The following RASGEF1C variants were observed in gnomAD, a reference collection of about 807,000 sequenced individuals.
RASGEF1C encodes RasGEF domain family member 1C, also known as ras-GEF domain-containing family member 1C.
A neutral mutation model predicts 58.1 loss-of-function variants in RASGEF1C; 27 were observed. The ratio of observed to expected loss-of-function variants is 0.46; its 90% CI spans 0.34 to 0.64. The LOEUF (loss-of-function observed/expected upper bound fraction) is 0.64. Among genes scored for constraint, RASGEF1C ranks in the 30% least tolerant of loss-of-function variants. The pLI, the probability that RASGEF1C is intolerant of heterozygous loss-of-function variation, is 0.01. For missense variants in RASGEF1C, 502 were observed against 605.1 expected, an observed-to-expected ratio of 0.83 and a Z score of 1.79; for synonymous variants, 243 against 246.3, an observed-to-expected ratio of 0.99 and a Z score of 0.13.
rs1443505362 is a variant in RASGEF1C, at chr5:180,177,277, GC to G, written c.-7+31750del. On this transcript the variant is annotated intron_variant, in intron 1 of 13. Transcript: ENST00000361132. The surrounding 1 kb of genome is among the most constrained non-coding windows in gnomAD (Gnocchi z 5.0). ...AGCCAGGGGCTGCTTTCCCTTTCCG[GC>G]CCCACCTCCCCACCCAGTGAAGGGG... 1.3e-5 allele frequency among the ~76,000 whole-genome samples: 2 copies of G among 152,124 alleles called. No individual in the cohort carries two copies. Among genetic ancestry groups the G allele is most frequent in the Non-Finnish European group, 2.9e-5 (2 of 68,030 alleles).
At chr5:180,173,805 A>C (rs562675417) in intron 1 of RASGEF1C, among the ~76,000 whole-genome samples, 13 of 151,756 alleles carry the variant, frequency 8.6e-5, no homozygotes, top group Admixed American at 2.6e-4. Flanking sequence ...CCCAGCTGCT[A>C]GGGAGGCTGA....
intron 1 of RASGEF1C, among the ~76,000 whole-genome samples, chr5:180,188,621 A>G (rs948881673): frequency 6.6e-6 from 1 of 152,246 alleles, no homozygotes; most frequent in African/African-American, 2.4e-5. Flanking sequence ...AAATTGGAAT[A>G]CTTTCTCCCT....
chr5:180,124,033 AAATT>A (rs1766216599), intron 6 of RASGEF1C, among the ~76,000 whole-genome samples: 2 of 152,176 alleles, frequency 1.3e-5, no homozygotes, highest in Non-Finnish European at 2.9e-5. Flanking sequence ...TAAAACCATT[AAATT>A]AATAACAAGA....
At chr5:180,186,302 C>T (rs934133705) in intron 1 of RASGEF1C, among the ~76,000 whole-genome samples, 4 of 152,010 alleles carry the variant, frequency 2.6e-5, no homozygotes. Context: ...CACAAAGAAA[C>T]TATTAGAGCT....
intron 7 of RASGEF1C, among the ~76,000 whole-genome samples, chr5:180,120,620 T>G (rs1318062115): frequency 6.6e-6 from 1 of 152,168 alleles, no homozygotes; most frequent in Non-Finnish European, 1.5e-5. Flanking sequence ...CTGCTGAGTG[T>G]TGGTGCTTTC....
intron 1 of RASGEF1C, among the ~76,000 whole-genome samples, chr5:180,176,683 A>T (rs763502009): frequency 2.6e-5 from 4 of 151,244 alleles, no homozygotes; most frequent in Admixed American, 6.6e-5. Context: ...CAGCCTCCCG[A>T]GTAGCTGGGA....
intron 1 of RASGEF1C, among the ~76,000 whole-genome samples, chr5:180,193,108 T>C (rs534535065): frequency 6.9e-6 from 1 of 145,952 alleles, no homozygotes; most frequent in East Asian, 2.1e-4. Context: ...CAGGCCAGAG[T>C]GCAGTGGCGC....
chr5:180,206,609 A>G (rs1188695789), intron 1 of RASGEF1C, among the ~76,000 whole-genome samples: 1 of 152,244 alleles, frequency 6.6e-6, no homozygotes, highest in East Asian at 1.9e-4. Context: ...CTTTGCAAAC[A>G]TTAACAATAT....
intron 1 of RASGEF1C, among the ~76,000 whole-genome samples, chr5:180,181,511 A>G (rs765545446): frequency 6.6e-6 from 1 of 152,178 alleles, no homozygotes; most frequent in Non-Finnish European, 1.5e-5. Context: ...TCCTAATCCA[A>G]CATGACTAAT....
intron 1 of RASGEF1C, among the ~76,000 whole-genome samples, chr5:180,171,746 G>A (rs747459490): frequency 1.2e-4 from 18 of 152,254 alleles, no homozygotes; most frequent in Non-Finnish European, 1.9e-4. Context: ...GGAGAACAGC[G>A]AATGCGTAGC....
intron 1 of RASGEF1C, among the ~76,000 whole-genome samples, chr5:180,176,107 A>G (rs1321584276): frequency 6.6e-6 from 1 of 152,262 alleles, no homozygotes; most frequent in Non-Finnish European, 1.5e-5. Flanking sequence ...GGCCACAAGG[A>G]GACAAGGACA....
intron 1 of RASGEF1C, among the ~76,000 whole-genome samples, chr5:180,139,031 A>G (rs141371524): frequency 1.0e-3 from 154 of 152,252 alleles, no homozygotes; most frequent in Non-Finnish European, 1.7e-3. Flanking sequence ...GCACAGGGAA[A>G]GGCCAGCTGC....
intron 1 of RASGEF1C, among the ~76,000 whole-genome samples, chr5:180,161,638 G>C (rs10063012): frequency 5.3e-5 from 8 of 152,186 alleles, no homozygotes; most frequent in South Asian, 4.1e-4. Context: ...GAGCCCGAGA[G>C]GGGGAGCAGG....
rs534201778 is a variant in RASGEF1C, at chr5:180,127,657, C to T, written c.666G>A (p.Glu222=). 1 of 1,613,270 alleles carries T rather than the reference C, an allele frequency of 6.2e-7. No individual in the cohort carries two copies. Among genetic ancestry groups the T allele is most frequent in the African/African-American group, 1.3e-5 (1 of 75,034 alleles). ...TGTTCACAAAGGCCTGGACAAACTC[C>T]TCAGGCCCGATGTGCCGCAGCCGCT... is the stretch of plus-strand genomic sequence containing the variant. The part of the protein sequence containing the change: ...ELERLRHIGP[E]EFVQAFVNKD... Residue 222 remains glutamate, a synonymous_variant, in exon 6 of 14, where the codon GAG becomes GAA. Coordinates refer to ENST00000361132, the MANE Select transcript of RASGEF1C (RefSeq NM_175062.4).
chr5:180,202,840 T>C (rs771764093), intron 1 of RASGEF1C, among the ~76,000 whole-genome samples: 10 of 151,994 alleles, frequency 6.6e-5, no homozygotes, highest in Admixed American at 6.6e-5. Flanking sequence ...CTAGCTGGGA[T>C]TACAGGTGCC....
At chr5:180,204,488 CAT>C (rs951291207) in intron 1 of RASGEF1C, among the ~76,000 whole-genome samples, 78 of 152,330 alleles carry the variant, frequency 5.1e-4, no homozygotes, top group African/African-American at 1.8e-3. Context: ...AAATCCATCA[CAT>C]GACTCATTAT....
chr5:180,114,099 G>C (rs900736872), intron 11 of RASGEF1C, among the ~76,000 whole-genome samples: 2 of 152,180 alleles, frequency 1.3e-5, no homozygotes, highest in African/African-American at 4.8e-5. Context: ...GGCTGGTCCT[G>C]ACCCCCAGGG....
chr5:180,121,032 G>A (rs772845199), intron 7 of RASGEF1C, 28 bp downstream of exon 7: 3 of 1,567,854 alleles, frequency 1.9e-6, no homozygotes, highest in African/African-American at 1.3e-5. Flanking sequence ...GCTATGCCAG[G>A]TGGTGCCCAC....
chr5:180,203,139 C>G (rs560616111), intron 1 of RASGEF1C, among the ~76,000 whole-genome samples: 1 of 152,160 alleles, frequency 6.6e-6, no homozygotes, highest in African/African-American at 2.4e-5. Flanking sequence ...TGGTGCTCAC[C>G]GGCATGAGCT....
Sources: allele counts gnomAD v4.1 joint callset (sites outside exome capture counted in the v4.1 genomes callset), GRCh38; gene constraint gnomAD v4.1.1; non-coding constraint Gnocchi (gnomAD v3.1); transcripts MANE v1.5; gene names NCBI Gene and HGNC (gene_info 2026-07-23, HGNC 2026-07-21).